HNRNPC: variants seen among roughly 807,000 people sequenced by gnomAD.
HNRNPC encodes the protein heterogeneous nuclear ribonucleoproteins C1/C2.
In HNRNPC, 3 loss-of-function variants were observed where a neutral mutation model predicts 33.2. That is an observed-to-expected ratio of 0.09 (90% CI 0.04 to 0.23). The LOEUF is 0.23. Among genes scored for constraint, HNRNPC ranks in the 10% least tolerant of loss-of-function variants. The pLI is 1.00. For missense variants in HNRNPC, 143 were observed against 366.7 expected, an observed-to-expected ratio of 0.39 and a Z score of 4.98; for synonymous variants, 121 against 126.7, an observed-to-expected ratio of 0.96 and a Z score of 0.30.
intron 2 of HNRNPC, among the ~76,000 whole-genome samples, chr14:21,261,250 T>C (rs2139026280): frequency 6.6e-6 from 1 of 152,176 alleles, no homozygotes; most frequent in East Asian, 1.9e-4. Flanking sequence ...TAAACTATTT[T>C]TTATATCCCC....
chr14:21,222,818 A>G (rs1892982759), intron 5 of HNRNPC, among the ~76,000 whole-genome samples: 1 of 151,854 alleles, frequency 6.6e-6, no homozygotes, highest in South Asian at 2.1e-4. Flanking sequence ...GGCGTGAACC[A>G]GGGAGGCAGA....
intron 2 of HNRNPC, among the ~76,000 whole-genome samples, chr14:21,240,592 A>G (rs1895227366): frequency 6.6e-6 from 1 of 152,150 alleles, no homozygotes; most frequent in Non-Finnish European, 1.5e-5. Flanking sequence ...GAATTTGAAC[A>G]TGGAGTCAAG....
chr14:21,231,971 A>G (rs1196499547), intron 3 of HNRNPC, among the ~76,000 whole-genome samples: 8 of 152,210 alleles, frequency 5.3e-5, no homozygotes, highest in East Asian at 1.9e-4. Flanking sequence ...GATTTTCTTT[A>G]TAAGTAAGGA....
rs142518737 is a variant in HNRNPC, at chr14:21,260,668, A to C, written c.-37+2643T>G. On this transcript the variant is annotated intron_variant, in intron 2 of 8. Transcript: ENST00000553300. ...TCTACTGAACCCTGTCTCTACTAAA[A>C]ATAGAAAAATTTAAGGCCAGGTGCA... Among the ~76,000 whole-genome samples the C allele has an allele frequency of 8.3e-3, 1,259 of 152,126 alleles. 20 individuals carry two copies. Among genetic ancestry groups the C allele is most frequent in the African/African-American group, 0.029 (1,203 of 41,486 alleles).
At position 21,210,343 on chromosome 14, in the gene HNRNPC, A is replaced by G. The variant is rs1891474665; in HGVS notation, c.*880T>C. The G allele has an allele frequency of 6.6e-6, 1 of 152,264 alleles. No individual in the cohort carries two copies. The highest frequency in any genetic ancestry group is 1.5e-5 in the Non-Finnish European group (1 of 68,044). The allele number at this position is 152,264 out of a possible 1,614,324, so 9.4% of individuals were successfully genotyped here. A position where few individuals can be genotyped will look rare whatever the true frequency, so the allele number is the denominator to read the frequency against. On this transcript the variant is annotated 3_prime_UTR_variant, in exon 9 of 9. Transcript: ENST00000553300. Reference sequence around the variant, plus strand: ...ATTAGGATGTAAAAGCCATTTTGAAAAAGTCTCCACTCTATGTCAAGTTGA... The same window carrying G: ...ATTAGGATGTAAAAGCCATTTTGAAGAAGTCTCCACTCTATGTCAAGTTGA...
chr14:21,228,541 G>A (rs2139609686), intron 5 of HNRNPC, among the ~76,000 whole-genome samples: 1 of 152,062 alleles, frequency 6.6e-6, no homozygotes, highest in South Asian at 2.1e-4. Context: ...ACAGGCGCGT[G>A]CCACCACGCC....
chr14:21,214,479 G>C (rs1325524523), intron 5 of HNRNPC, among the ~76,000 whole-genome samples: 1 of 152,074 alleles, frequency 6.6e-6, no homozygotes, highest in Non-Finnish European at 1.5e-5. Context: ...TAAATTAAAA[G>C]AGCAAGGAAA....
chr14:21,236,646 A>G (rs1453879551), intron 2 of HNRNPC, among the ~76,000 whole-genome samples: 2 of 152,192 alleles, frequency 1.3e-5, no homozygotes, highest in African/African-American at 4.8e-5. Context: ...CATTTCCTGA[A>G]GTTTTAGAAA....
chr14:21,220,593 T>G (rs1442099887), intron 5 of HNRNPC, among the ~76,000 whole-genome samples: 1 of 152,166 alleles, frequency 6.6e-6, no homozygotes, highest in Non-Finnish European at 1.5e-5. Context: ...AACAAATATT[T>G]GTTGAGTAAA....
rs570578199 is a variant in HNRNPC at position 21,251,711 on chromosome 14, T to A, written c.-37+11600A>T. ...AAGACACACGTATTAGGAAAAATAG[T>A]CTCAGATTTTAGAAATACTATGCTT... On this transcript the variant is annotated intron_variant, in intron 2 of 8. Coordinates refer to ENST00000553300, the MANE Select transcript of HNRNPC (RefSeq NM_004500.4). Among the ~76,000 whole-genome samples, 8 of 152,188 alleles carry A rather than the reference T, an allele frequency of 5.3e-5. 1 individual carries two copies. The South Asian group carries it at 1.7e-3, about 32-fold the overall frequency.
chr14:21,215,249 C>T (rs1892030524), intron 5 of HNRNPC, among the ~76,000 whole-genome samples: 2 of 152,042 alleles, frequency 1.3e-5, no homozygotes, highest in African/African-American at 4.8e-5. Context: ...GTAGTCCTTG[C>T]CTCGAAAAAT....
chr14:21,248,652 T>G lies in HNRNPC; in HGVS notation c.-36-14423A>C, dbSNP rs148278922. On this transcript the variant is annotated intron_variant, in intron 2 of 8. Transcript: ENST00000553300. ...TAAAGGTATATGAAGATTAAAAAGA[T>G]TAACACTATCAAGGAAATATAAATT... is the stretch of plus-strand genomic sequence containing the variant. 9.8e-5 allele frequency among the ~76,000 whole-genome samples: 15 copies of G among 152,312 alleles called. No homozygotes were observed. In the East Asian group the frequency reaches 2.9e-3, roughly 29 times the overall value.
intron 5 of HNRNPC, among the ~76,000 whole-genome samples, chr14:21,218,952 A>G (rs1892527817): frequency 1.3e-5 from 2 of 150,224 alleles, no homozygotes; most frequent in African/African-American, 5.0e-5. Context: ...TCTACTAAAA[A>G]TACAAATATT....
Position 21,227,691 on chromosome 14 carries a change from CTAA to C in HNRNPC, c.365+2625_365+2627del, listed in dbSNP as rs372108530. Among the ~76,000 whole-genome samples the C allele has an allele frequency of 6.4e-3, 981 of 152,304 alleles. 8 individuals carry two copies. The highest frequency in any genetic ancestry group is 0.014 in the South Asian group (66 of 4,820). ...TGCAGTATATATCTCATTGTCTCAA[CTAA>C]TGTTTTCCAAATTCCCTGCTCAAAT... On this transcript the variant is annotated intron_variant, in intron 5 of 8. Transcript: ENST00000553300.
chr14:21,230,219 T>C, intron 5 of HNRNPC, 100 bp downstream of exon 5: 2 of 759,418 alleles, frequency 2.6e-6, no homozygotes, highest in Non-Finnish European at 4.4e-6. Context: ...TAGGGGAGTA[T>C]GTTTGAAAAC....
intron 2 of HNRNPC, among the ~76,000 whole-genome samples, chr14:21,244,084 A>G (rs1895671778): frequency 6.6e-6 from 1 of 151,158 alleles, no homozygotes; most frequent in African/African-American, 2.4e-5. Context: ...GCTGGATTGC[A>G]GTGTTGCGAT....
intron 2 of HNRNPC, among the ~76,000 whole-genome samples, chr14:21,257,420 T>C (rs915739688): frequency 2.0e-5 from 3 of 151,990 alleles, no homozygotes; most frequent in Middle Eastern, 3.4e-3. Context: ...AGAGATCTGG[T>C]TAAATGGAAC....
chr14:21,224,592 A>G (rs1594226301), intron 5 of HNRNPC, among the ~76,000 whole-genome samples: 1 of 151,928 alleles, frequency 6.6e-6, no homozygotes, highest in South Asian at 2.1e-4. Context: ...AATTCTCCCA[A>G]CCTCCTCTCC....
At chr14:21,220,265 T>G (rs927831900) in intron 5 of HNRNPC, among the ~76,000 whole-genome samples, 1 of 149,824 alleles carries the variant, frequency 6.7e-6, no homozygotes, top group Admixed American at 6.7e-5. Flanking sequence ...GAGACAGAGT[T>G]TTGCTCTTGT....
Sources: allele counts gnomAD v4.1 joint callset (sites outside exome capture counted in the v4.1 genomes callset), GRCh38; gene constraint gnomAD v4.1.1; transcripts MANE v1.5; gene names NCBI Gene and HGNC (gene_info 2026-07-23, HGNC 2026-07-21).